ZCCHC7: variants seen among roughly 807,000 people sequenced by gnomAD.
ZCCHC7 encodes the protein zinc finger CCHC-type containing 7, also known as zinc finger CCHC domain-containing protein 7.
ZCCHC7 carries 35 observed loss-of-function variants against 52.0 expected under a neutral mutation model. The ratio of observed to expected loss-of-function variants is 0.67; its 90% CI spans 0.51 to 0.89. The LOEUF (loss-of-function observed/expected upper bound fraction) is 0.89. ZCCHC7 is among the 40% of genes least tolerant of loss of function. The pLI is 0.00. For missense variants in ZCCHC7, 574 were observed against 649.1 expected, an observed-to-expected ratio of 0.88 and a Z score of 1.26; for synonymous variants, 217 against 221.5, an observed-to-expected ratio of 0.98 and a Z score of 0.18.
At chr9:37,251,233 C>A (rs1256273913) in intron 2 of ZCCHC7, among the ~76,000 whole-genome samples, 1 of 151,386 alleles carries the variant, frequency 6.6e-6, no homozygotes, top group South Asian at 2.1e-4. Context: ...CTTTCCTGTC[C>A]TCAACTATGT....
intron 2 of ZCCHC7, among the ~76,000 whole-genome samples, chr9:37,209,031 TAA>T (rs1268048503): frequency 2.0e-5 from 3 of 152,106 alleles, no homozygotes; most frequent in African/African-American, 7.2e-5. Context: ...GCTGGCATAA[TAA>T]AATACAACCG....
chr9:37,339,009 A>G lies in ZCCHC7; in HGVS notation c.988-10348A>G, dbSNP rs2118446171. On this transcript the variant is annotated intron_variant, in intron 6 of 8. Coordinates refer to ENST00000336755, the MANE Select transcript of ZCCHC7 (RefSeq NM_032226.3). The stretch of plus-strand genomic sequence containing the variant: ...ATCTGCCTAATTAAGGAATTACCCA[A>G]TGGATTGGGAGTCTGTTGGGTACAT... Among the ~76,000 whole-genome samples the G allele has an allele frequency of 2.0e-5, 3 of 152,246 alleles. No individual in the cohort carries two copies. In the South Asian group the frequency reaches 6.2e-4, roughly 32 times the overall value.
chr9:37,249,443 TTTC>T (rs1369223041), intron 2 of ZCCHC7, among the ~76,000 whole-genome samples: 2 of 149,834 alleles, frequency 1.3e-5, no homozygotes, highest in East Asian at 3.9e-4. Flanking sequence ...GTACTTATAT[TTTC>T]TTCTTCTTCC....
At chr9:37,307,250 G>T (rs1287580786) in intron 5 of ZCCHC7, among the ~76,000 whole-genome samples, 1 of 152,096 alleles carries the variant, frequency 6.6e-6, no homozygotes, top group Admixed American at 6.5e-5. Flanking sequence ...AAAGACCAGA[G>T]GGCTGTTGAA....
At chr9:37,190,494 A>C (rs952680785) in intron 2 of ZCCHC7, among the ~76,000 whole-genome samples, 19 of 152,134 alleles carry the variant, frequency 1.2e-4, no homozygotes, top group African/African-American at 4.6e-4. Flanking sequence ...TATTAATATG[A>C]ATTCTTATTT....
chr9:37,190,719 T>A (rs1325419736), intron 2 of ZCCHC7, among the ~76,000 whole-genome samples: 1 of 152,208 alleles, frequency 6.6e-6, no homozygotes. Context: ...TCATGTTGTT[T>A]AAGAATACAT....
At chr9:37,350,178 G>A (rs1365828271) in intron 7 of ZCCHC7, among the ~76,000 whole-genome samples, 3 of 148,586 alleles carry the variant, frequency 2.0e-5, no homozygotes, top group Non-Finnish European at 4.5e-5. Context: ...GCCCAAGCTG[G>A]AGTGCAATGA....
At chr9:37,318,083 T>C (rs1271828095) in intron 5 of ZCCHC7, among the ~76,000 whole-genome samples, 3 of 152,020 alleles carry the variant, frequency 2.0e-5, no homozygotes, top group African/African-American at 2.4e-5. Context: ...TGCAAAGATA[T>C]AGCTATAAGA....
chr9:37,201,979 A>G (rs1035329748), intron 2 of ZCCHC7, among the ~76,000 whole-genome samples: 1 of 152,362 alleles, frequency 6.6e-6, no homozygotes, highest in Non-Finnish European at 1.5e-5. Flanking sequence ...TCTATGGAAA[A>G]TAGAGAGTAG....
intron 2 of ZCCHC7, among the ~76,000 whole-genome samples, chr9:37,232,500 C>G (rs903800152): frequency 6.6e-6 from 1 of 152,108 alleles, no homozygotes; most frequent in African/African-American, 2.4e-5. Flanking sequence ...AATTTGCTGC[C>G]TTGGTGAAGA....
In ZCCHC7 at chr9:37,303,655, C is replaced by CTTTTTTTTTTTTTTTTTTTTTTT. The variant is rs74182940; in HGVS notation, c.655-530_655-508dup. Among the ~76,000 whole-genome samples, 2 of 56,752 alleles carry CTTTTTTTTTTTTTTTTTTTTTTT rather than the reference C, an allele frequency of 3.5e-5. 1 individual carries two copies. The allele number at this position is 56,752 out of a possible 152,430, so 37.2% of individuals were successfully genotyped here. On this transcript the variant is annotated intron_variant, in intron 3 of 8. Coordinates refer to ENST00000336755, the MANE Select transcript of ZCCHC7 (RefSeq NM_032226.3). ...CACCTCCTTTTATGTTTTTCTACCT[C>CTTTTTTTTTTTTTTTTTTTTTTT]TTTTTTTTTTTTTTTTTTTTTTTTT...
chr9:37,237,205 A>G (rs1454923729), intron 2 of ZCCHC7, among the ~76,000 whole-genome samples: 1 of 152,232 alleles, frequency 6.6e-6, no homozygotes, highest in Non-Finnish European at 1.5e-5. Context: ...ATGAACTGCC[A>G]GTGCCCCTGC....
intron 2 of ZCCHC7, among the ~76,000 whole-genome samples, chr9:37,161,739 A>G (rs17487039): frequency 6.6e-6 from 1 of 152,170 alleles, no homozygotes. Flanking sequence ...ACGGAATATT[A>G]TAAGCTCAGA....
At chr9:37,331,413 C>T (rs1233369333) in intron 6 of ZCCHC7, among the ~76,000 whole-genome samples, 1 of 151,548 alleles carries the variant, frequency 6.6e-6, no homozygotes, top group African/African-American at 2.4e-5. Context: ...TGTGTTTTCA[C>T]AGTTTGGAGT....
intron 2 of ZCCHC7, among the ~76,000 whole-genome samples, chr9:37,200,553 C>T (rs938494119): frequency 5.3e-5 from 8 of 152,182 alleles, no homozygotes; most frequent in African/African-American, 1.9e-4. Flanking sequence ...TATTAAAGTC[C>T]TAAAATGGGG....
chr9:37,192,113 G>T (rs1010346496), intron 2 of ZCCHC7, among the ~76,000 whole-genome samples: 1 of 152,212 alleles, frequency 6.6e-6, no homozygotes, highest in Non-Finnish European at 1.5e-5. Flanking sequence ...TTAAAAAGGA[G>T]TGGAAATTGA....
intron 2 of ZCCHC7, among the ~76,000 whole-genome samples, chr9:37,180,473 A>G (rs1284237634): frequency 3.9e-5 from 6 of 152,116 alleles, no homozygotes; most frequent in Admixed American, 1.3e-4. Context: ...ATATAGTAAA[A>G]CACTATTTGT....
chr9:37,167,830 A>G (rs1025224383), intron 2 of ZCCHC7, among the ~76,000 whole-genome samples: 1 of 152,144 alleles, frequency 6.6e-6, no homozygotes, highest in African/African-American at 2.4e-5. Context: ...AATTGATGAG[A>G]TTTTGCAGTC....
chr9:37,347,985 C>T (rs989703728), intron 6 of ZCCHC7, among the ~76,000 whole-genome samples: 1 of 152,204 alleles, frequency 6.6e-6, no homozygotes, highest in African/African-American at 2.4e-5. Flanking sequence ...CTCCTCTGCC[C>T]ACCCCTTAAA....
Sources: gnomAD v4.1 joint callset for allele counts (sites outside exome capture counted in the v4.1 genomes callset) on GRCh38, gnomAD v4.1.1 for gene constraint, MANE v1.5 for transcripts, NCBI Gene and HGNC (gene_info 2026-07-23, HGNC 2026-07-21) for gene names.